The following PADI2 variants were observed in gnomAD, a reference collection of about 807,000 sequenced individuals.
PADI2 encodes the protein peptidyl arginine deiminase 2.
PADI2 carries 70 observed loss-of-function variants against 81.1 expected under a neutral mutation model. The ratio of observed to expected loss-of-function variants is 0.86; its 90% CI spans 0.71 to 1.05. The LOEUF (loss-of-function observed/expected upper bound fraction) is 1.05, where lower values mean the gene tolerates loss of function less well. Among genes scored for constraint, PADI2 ranks in the 50% least tolerant of loss-of-function variants. PADI2 has a pLI of 0.00. For synonymous variants in PADI2, 338 were observed against 358.0 expected (o/e 0.94, Z 0.63); for missense variants, 853 against 889.9 (o/e 0.96, Z 0.53).
Position 17,070,220 on chromosome 1 carries a change from G to C in PADI2, c.1636-4C>G, listed in dbSNP as rs773246510. ...CACGGTTCCAGTCTAGGCAGCGCTG[G>C]GTAGGAGAAAGGATGGAGGGCATGC... On this transcript the variant is annotated splice_region_variant and splice_polypyrimidine_tract_variant and intron_variant, in intron 14 of 15. Transcript: ENST00000375486. 6.2e-7 allele frequency: 1 copy of C among 1,613,728 alleles called. No homozygotes were observed. The highest frequency in any genetic ancestry group is 8.5e-7 in the Non-Finnish European group (1 of 1,179,826).
Position 17,092,377 on chromosome 1 carries a change from G to A in PADI2, c.655+31C>T. On this transcript the variant is annotated intron_variant, in intron 6 of 15. Coordinates refer to ENST00000375486, the MANE Select transcript of PADI2 (RefSeq NM_007365.3). Reference sequence around the variant, plus strand: ...GGGAGGAGGGTAGGTGGCTAGAAAGGTCTAGGCTGGACTGGGCTGGGATCA... The same window carrying A: ...GGGAGGAGGGTAGGTGGCTAGAAAGATCTAGGCTGGACTGGGCTGGGATCA... 2 of 1,573,448 alleles carry A rather than the reference G, an allele frequency of 1.3e-6. 1 individual carries two copies. Among genetic ancestry groups the A allele is most frequent in the Middle Eastern group, 3.4e-4 (2 of 5,824 alleles).
chr1:17,075,767 A>C lies in PADI2; in HGVS notation c.1367T>G (p.Val456Gly). 1 of 1,613,946 alleles carries C rather than the reference A, an allele frequency of 6.2e-7. No individual in the cohort carries two copies. Among genetic ancestry groups the C allele is most frequent in the South Asian group, 1.1e-5 (1 of 91,070 alleles). Residue 456 changes from valine (V) to glycine (G), a missense_variant, in exon 12 of 16, where the codon GTG (valine) becomes GGG (glycine). Val to Gly is a moderately radical substitution (Grantham distance 109). Transcript: ENST00000375486. Reference protein sequence around the residue: ...VVRDFLKAQQVQAPVELYSDW... With the variant: ...VVRDFLKAQQGQAPVELYSDW... ...TGAGTAGAGCTCCACGGGCGCCTGC[A>C]CCTGCTGGGCCTTCAGGAAGTCACG...
intron 12 of PADI2, chr1:17,075,313 C>G (rs1028001973): frequency 3.2e-6 from 1 of 310,854 alleles, no homozygotes; most frequent in Non-Finnish European, 6.0e-6. Context: ...CTCTCTAGAG[C>G]ATTACCACCA....
intron 12 of PADI2, 168 bp from the exon 13 acceptor site, chr1:17,075,117 T>C (rs1177875859): frequency 5.6e-6 from 3 of 535,418 alleles, no homozygotes; most frequent in Non-Finnish European, 1.0e-5. Flanking sequence ...AGAGGAATAT[T>C]TCTCACCTTT....
intron 2 of PADI2, 112 bp downstream of exon 2, chr1:17,104,766 C>G (rs573035003): frequency 1.0e-6 from 1 of 958,332 alleles, no homozygotes; most frequent in African/African-American, 1.7e-5. Flanking sequence ...TACTGCAGAA[C>G]TGAAAATGAC....
At chr1:17,082,137 C>T (rs904030014) in intron 10 of PADI2, among the ~76,000 whole-genome samples, 3 of 152,082 alleles carry the variant, frequency 2.0e-5, no homozygotes, top group South Asian at 2.1e-4. Flanking sequence ...TACACACGCA[C>T]CAAAAACCAT....
intron 6 of PADI2, among the ~76,000 whole-genome samples, chr1:17,090,795 G>T (rs973928759): frequency 6.6e-6 from 1 of 151,902 alleles, no homozygotes; most frequent in Non-Finnish European, 1.5e-5. Context: ...GTCTGCTCAG[G>T]ACCCATCTCA....
intron 6 of PADI2, among the ~76,000 whole-genome samples, chr1:17,091,384 TTA>T (rs1306041052): frequency 6.6e-6 from 1 of 151,692 alleles, no homozygotes; most frequent in Non-Finnish European, 1.5e-5. Context: ...GAGGGAGTTT[TTA>T]AAACACATAC....
intron 6 of PADI2, among the ~76,000 whole-genome samples, chr1:17,090,435 T>C (rs1930647541): frequency 6.6e-6 from 1 of 152,216 alleles, no homozygotes; most frequent in African/African-American, 2.4e-5. Flanking sequence ...CCCAGCCCCC[T>C]GGCCTTGGGG....
rs558667842 is a variant in PADI2, at chr1:17,068,722, T to C, written c.*322A>G. 5.6e-5 allele frequency: 18 copies of C among 319,666 alleles called. No homozygotes were observed. The East Asian group carries it at 7.6e-4, about 14-fold the overall frequency. 19.8% of individuals were successfully genotyped at this position (319,666 alleles called of 1,614,324 possible). A position where few individuals can be genotyped will look rare whatever the true frequency, so the allele number is the denominator to read the frequency against. On this transcript the variant is annotated 3_prime_UTR_variant, in exon 16 of 16. Coordinates refer to ENST00000375486, the MANE Select transcript of PADI2 (RefSeq NM_007365.3). ...CCTTCTCCCCTCATTCAGTGTCAGA[T>C]TAGAGACTCAAAATTCTTTGGGGAG...
chr1:17,084,003 C>T (rs755917509), intron 8 of PADI2, among the ~76,000 whole-genome samples, 166 bp from the exon 9 acceptor site: 2 of 152,118 alleles, frequency 1.3e-5, no homozygotes, highest in Admixed American at 1.3e-4. Context: ...AATCAAAGGC[C>T]AAGTAAACCC....
chr1:17,090,471 A>G (rs1400726236), intron 6 of PADI2, among the ~76,000 whole-genome samples: 1 of 152,154 alleles, frequency 6.6e-6, no homozygotes, highest in Non-Finnish European at 1.5e-5. Context: ...CTACCAGGAC[A>G]CCTGACATTC....
rs529552533 is a variant in PADI2, at chr1:17,096,117, C to A, written c.350-147G>T. 6.7e-4 allele frequency: 354 copies of A among 524,766 alleles called. 2 individuals carry two copies. Among genetic ancestry groups the A allele is most frequent in the Admixed American group, 3.0e-3 (86 of 29,014 alleles). 32.5% of individuals were successfully genotyped at this position (524,766 alleles called of 1,614,324 possible). A position where few individuals can be genotyped will look rare whatever the true frequency, so the allele number is the denominator to read the frequency against. ...ACCTCGCTGAAGTCATCTTATGCAA[C>A]CCCCTGCCTCAACATCCCACTACCC... is the stretch of plus-strand genomic sequence containing the variant. On this transcript the variant is annotated intron_variant, in intron 3 of 15. Coordinates refer to ENST00000375486, the MANE Select transcript of PADI2 (RefSeq NM_007365.3).
At position 17,091,357 on chromosome 1, in the gene PADI2, A is replaced by G. The variant is rs1930687882; in HGVS notation, c.655+1051T>C. ...CCGCCTTGTACCATGGCAAATTGCAATGCCGACTATTTTGCTGAGGGAGTT... is the reference window on the plus strand; with the variant it reads ...CCGCCTTGTACCATGGCAAATTGCAGTGCCGACTATTTTGCTGAGGGAGTT... On this transcript the variant is annotated intron_variant, in intron 6 of 15. Transcript: ENST00000375486. 2.0e-5 allele frequency among the ~76,000 whole-genome samples: 3 copies of G among 151,366 alleles called. No homozygotes were observed. In the South Asian group the frequency reaches 6.3e-4, roughly 32 times the overall value.
rs527614954 is a variant in PADI2 at position 17,114,635 on chromosome 1, C to T, written c.92+4645G>A. On this transcript the variant is annotated intron_variant, in intron 1 of 15. Coordinates refer to ENST00000375486, the MANE Select transcript of PADI2 (RefSeq NM_007365.3). ...AATGTCAACTAGTAACATTAAGAAA[C>T]GATGAGAAGTTGTGCAAAGAAAAAA... Among the ~76,000 whole-genome samples the T allele has an allele frequency of 6.6e-5, 10 of 151,796 alleles. No individual in the cohort carries two copies. The South Asian group carries it at 1.5e-3, about 22-fold the overall frequency.
At position 17,071,406 on chromosome 1, in the gene PADI2, C is replaced by T. The variant is rs759602120; in HGVS notation, c.1635G>A (p.Gln545=). The change falls in exon 14 of 16, where the codon CAG becomes CAA. Residue 545 remains glutamine, a splice_region_variant and synonymous_variant. Transcript: ENST00000375486. ...ESLVQENLYF[Q]RCLDWNRDIL... is the part of the protein sequence containing the mutation. ...CCCTGCACCCCTGCCCTGCCCTCACCTGGAAGTACAGGTTCTCCTGCACAA... is the reference window on the plus strand; with the variant it reads ...CCCTGCACCCCTGCCCTGCCCTCACTTGGAAGTACAGGTTCTCCTGCACAA... 2 of 1,611,840 alleles carry T rather than the reference C, an allele frequency of 1.2e-6. No individual in the cohort carries two copies. The highest frequency in any genetic ancestry group is 1.7e-5 in the Admixed American group (1 of 60,012).
chr1:17,103,111 C>G, intron 2 of PADI2, 52 bp from the exon 3 acceptor site: 1 of 1,366,894 alleles, frequency 7.3e-7, no homozygotes, highest in Non-Finnish European at 1.0e-6. Flanking sequence ...GCAGAGATCA[C>G]AGATCACAAG....
In PADI2 at chr1:17,093,680, G is replaced by A; in HGVS notation, c.416C>T (p.Ser139Phe). The A allele has an allele frequency of 6.3e-7, 1 of 1,596,566 alleles. No homozygotes were observed. The highest frequency in any genetic ancestry group is 8.6e-7 in the Non-Finnish European group (1 of 1,164,206). ...VVEKNNPKKA[S>F]WTWGPEGQGA... is the part of the protein sequence containing the mutation. ...CTGGCCCTCGGGGCCCCAGGTCCAGGATGCCTACAGTGGCAGGAAGAAAGG... is the reference window on the plus strand; with the variant it reads ...CTGGCCCTCGGGGCCCCAGGTCCAGAATGCCTACAGTGGCAGGAAGAAAGG... The change falls in exon 5 of 16, where the codon TCC becomes TTC. Residue 139 changes from serine (S) to phenylalanine (F), a missense_variant. By Grantham distance (155) the Ser-to-Phe change is radical (BLOSUM62 -2). Coordinates refer to ENST00000375486, the MANE Select transcript of PADI2 (RefSeq NM_007365.3).
chr1:17,092,447 T>A lies in PADI2; in HGVS notation c.616A>T (p.Met206Leu). The change falls in exon 6 of 16, where the codon ATG (methionine) becomes TTG (leucine). Residue 206 changes from methionine (M) to leucine (L), a missense_variant. Physicochemically the swap from Met to Leu is conservative, Grantham distance 15. Transcript: ENST00000375486. Reference sequence around the variant, plus strand: ...ACGCCCACTTTGTCTGAGTCTGACATGGAAATGTACAGAACTATCTCGTAT... The same window carrying A: ...ACGCCCACTTTGTCTGAGTCTGACAAGGAAATGTACAGAACTATCTCGTAT... ...AGYEIVLYIS[M>L]SDSDKVGVFY... The A allele has an allele frequency of 6.2e-7, 1 of 1,606,800 alleles. No individual in the cohort carries two copies.
Sources: allele counts gnomAD v4.1 joint callset (sites outside exome capture counted in the v4.1 genomes callset), GRCh38; gene constraint gnomAD v4.1.1; transcripts MANE v1.5; gene names NCBI Gene and HGNC (gene_info 2026-07-23, HGNC 2026-07-21).